The following REG4 variants were observed in gnomAD, a reference collection of about 807,000 sequenced individuals.
REG4 encodes regenerating family member 4, also known as regenerating islet-derived protein 4.
Under a neutral mutation model 22.3 loss-of-function variants are expected in REG4, and 16 were observed. The observed-to-expected ratio is 0.72, with a 90% CI of 0.49 to 1.09. The LOEUF (loss-of-function observed/expected upper bound fraction) is 1.09, where lower values mean the gene tolerates loss of function less well. Ranked by LOEUF, REG4 falls within the 50% of genes least tolerant of loss-of-function variation. The probability of loss-of-function intolerance (pLI) is 0.00; values close to 1 mark genes in which losing one functional copy is unlikely to be tolerated. For missense variants in REG4, 214 were observed against 193.9 expected, an observed-to-expected ratio of 1.10 and a Z score of -0.61; for synonymous variants, 71 against 69.2, an observed-to-expected ratio of 1.03 and a Z score of -0.13.
At position 119,811,449 on chromosome 1, in the gene REG4, A is replaced by T. The variant is rs929662531; in HGVS notation, c.-135T>A. On this transcript the variant is annotated 5_prime_UTR_variant, in exon 1 of 6. Coordinates refer to ENST00000256585, the MANE Select transcript of REG4 (RefSeq NM_032044.4). ...GACTCTAAGGGCCCCTGCCTTCTTC[A>T]GTGTCTCCAGTGGTCCCAGTCAACG... The T allele has an allele frequency of 1.3e-5, 2 of 152,196 alleles. No homozygotes were observed. Among genetic ancestry groups the T allele is most frequent in the African/African-American group, 4.8e-5 (2 of 41,444 alleles). 9.4% of individuals were successfully genotyped at this position (152,196 alleles called of 1,614,324 possible). A position where few individuals can be genotyped will look rare whatever the true frequency, so the allele number is the denominator to read the frequency against.
chr1:119,796,426 G>A (rs1653940181), intron 5 of REG4, among the ~76,000 whole-genome samples: 1 of 152,162 alleles, frequency 6.6e-6, no homozygotes, highest in Admixed American at 6.5e-5. Flanking sequence ...GAGTCAGAAA[G>A]GGTGAGAGAG....
intron 1 of REG4, among the ~76,000 whole-genome samples, chr1:119,810,935 T>C (rs1654475293): frequency 6.6e-6 from 1 of 152,120 alleles, no homozygotes; most frequent in African/African-American, 2.4e-5. Flanking sequence ...GTGCCTGTAA[T>C]CACAGCTACT....
At chr1:119,802,972 A>G in intron 3 of REG4, 96 bp downstream of exon 3, 2 of 1,582,610 alleles carry the variant, frequency 1.3e-6, no homozygotes, top group Non-Finnish European at 1.7e-6. Flanking sequence ...CATAGTGCCC[A>G]GGAAGGACAC....
At chr1:119,807,965 G>A (rs780254670) in intron 2 of REG4, among the ~76,000 whole-genome samples, 3 of 152,168 alleles carry the variant, frequency 2.0e-5, no homozygotes, top group Non-Finnish European at 4.4e-5. Flanking sequence ...ACTCTTACAT[G>A]TCCAACACCC....
At chr1:119,799,650 G>T (rs984184495) in intron 4 of REG4, 75 bp downstream of exon 4, 2 of 1,561,220 alleles carry the variant, frequency 1.3e-6, no homozygotes, top group African/African-American at 2.7e-5. Flanking sequence ...GTTATAGGCC[G>T]GGAGGCCATT....
chr1:119,802,597 C>T (rs932705414), intron 3 of REG4: 33 of 1,245,316 alleles, frequency 2.6e-5, no homozygotes, highest in Admixed American at 4.1e-5. Context: ...GGTTTGTGGA[C>T]TGTGTAGAGC....
intron 2 of REG4, among the ~76,000 whole-genome samples, chr1:119,806,725 C>T (rs1274212337): frequency 6.6e-6 from 1 of 152,174 alleles, no homozygotes; most frequent in African/African-American, 2.4e-5. Flanking sequence ...GGTGCTAGAG[C>T]TCGTCATCTC....
chr1:119,809,777 G>A (rs1404240337), intron 1 of REG4, among the ~76,000 whole-genome samples: 2 of 152,058 alleles, frequency 1.3e-5, no homozygotes, highest in South Asian at 4.2e-4. Flanking sequence ...TATGGGCTGT[G>A]ATATTTACCT....
In REG4 at chr1:119,803,056, C is replaced by T; in HGVS notation, c.165+12G>A. 6.2e-7 allele frequency: 1 copy of T among 1,608,802 alleles called. No individual in the cohort carries two copies. The highest frequency in any genetic ancestry group is 8.5e-7 in the Non-Finnish European group (1 of 1,177,844). On this transcript the variant is annotated intron_variant, in intron 3 of 5. Coordinates refer to ENST00000256585, the MANE Select transcript of REG4 (RefSeq NM_032044.4). Reference sequence around the variant, plus strand: ...TAGAAAGGCCAGGCCAAGCAGGCAGCAAGTTTCTTACCTCGGCATCAGACC... The same window carrying T: ...TAGAAAGGCCAGGCCAAGCAGGCAGTAAGTTTCTTACCTCGGCATCAGACC...
chr1:119,800,892 A>G (rs866525385), intron 3 of REG4, among the ~76,000 whole-genome samples: 3 of 152,150 alleles, frequency 2.0e-5, no homozygotes, highest in African/African-American at 7.2e-5. Context: ...GCAGATATGT[A>G]ACTATCTGCT....
Position 119,794,494 on chromosome 1 carries a change from G to A in REG4, c.*124C>T. ...CTCTAAGCCTAAAAAAGCCAGTGTA[G>A]TAGGGCCCTTATCACTCTTAGTTTG... On this transcript the variant is annotated 3_prime_UTR_variant, in exon 6 of 6. Transcript: ENST00000256585. 1.1e-6 allele frequency: 1 copy of A among 882,468 alleles called. No individual in the cohort carries two copies. The highest frequency in any genetic ancestry group is 1.9e-6 in the Non-Finnish European group (1 of 524,696). The allele number at this position is 882,468 out of a possible 1,614,324, so 54.7% of individuals were successfully genotyped here. A position where few individuals can be genotyped will look rare whatever the true frequency, so the allele number is the denominator to read the frequency against.
chr1:119,798,589 T>G lies in REG4; in HGVS notation c.317A>C (p.Gln106Pro), dbSNP rs139282469. The G allele has an allele frequency of 6.2e-7, 1 of 1,614,048 alleles. No homozygotes were observed. Among genetic ancestry groups the G allele is most frequent in the Admixed American group, 1.7e-5 (1 of 60,010 alleles). The change falls in exon 5 of 6, where the codon CAG (glutamine) becomes CCG (proline). Residue 106 changes from glutamine to proline, a missense_variant. Coordinates refer to ENST00000256585, the MANE Select transcript of REG4 (RefSeq NM_032044.4). ...LHDPQKRQQW[Q>P]WIDGAMYLYR... Reference sequence around the variant, plus strand: ...CAGATACATGGCCCCATCAATCCACTGCCACTGCTGCCTCTGCAACAACAG... The same window carrying G: ...CAGATACATGGCCCCATCAATCCACGGCCACTGCTGCCTCTGCAACAACAG...
chr1:119,796,629 T>A (rs1408755767), intron 5 of REG4, among the ~76,000 whole-genome samples: 5 of 152,222 alleles, frequency 3.3e-5, no homozygotes, highest in Non-Finnish European at 5.9e-5. Context: ...GGGGATGGGC[T>A]TTTAAATTCT....
Position 119,797,937 on chromosome 1 carries a change from G to A in REG4, c.409+560C>T, listed in dbSNP as rs142190062. Among the ~76,000 whole-genome samples, 331 of 152,294 alleles carry A rather than the reference G, an allele frequency of 2.2e-3. 5 individuals are homozygous for A. The highest frequency in any genetic ancestry group is 0.021 in the East Asian group (109 of 5,178). ...GAAAAGTCTAACTCATGAGCATAAA[G>A]ACAAAGAATGAAAGCAGGCCAGAGA... On this transcript the variant is annotated intron_variant, in intron 5 of 5. Transcript: ENST00000256585.
chr1:119,803,978 A>G (rs1379211304), intron 2 of REG4, among the ~76,000 whole-genome samples: 2 of 152,204 alleles, frequency 1.3e-5, no homozygotes, highest in South Asian at 2.1e-4. Flanking sequence ...AAAGGAATCC[A>G]TGATTCAGGG....
chr1:119,807,228 T>G (rs1654348496), intron 2 of REG4, among the ~76,000 whole-genome samples: 1 of 152,228 alleles, frequency 6.6e-6, no homozygotes, highest in Admixed American at 6.5e-5. Flanking sequence ...GAGAGAAAAT[T>G]AATTTCTAAG....
At chr1:119,808,673 C>T (rs2101076587) in intron 2 of REG4, 30 bp downstream of exon 2, 1 of 1,562,362 alleles carries the variant, frequency 6.4e-7, no homozygotes. Context: ...CTGGCTGTGG[C>T]TCAGTTCCAG....
At chr1:119,798,445 G>A in intron 5 of REG4, 52 bp downstream of exon 5, 2 of 1,428,282 alleles carry the variant, frequency 1.4e-6, no homozygotes, top group Non-Finnish European at 2.0e-6. Context: ...ACTAGGTAAA[G>A]GGAAGAGTCT....
Position 119,794,500 on chromosome 1 carries a change from C to CCCTT in REG4, c.*114_*117dup, listed in dbSNP as rs1344405277. ...GCCTAAAAAAGCCAGTGTAGTAGGG[C>CCCTT]CCTTATCACTCTTAGTTTGCTAGGT... On this transcript the variant is annotated 3_prime_UTR_variant, in exon 6 of 6. Coordinates refer to ENST00000256585, the MANE Select transcript of REG4 (RefSeq NM_032044.4). 4 of 918,540 alleles carry CCCTT rather than the reference C, an allele frequency of 4.4e-6. No homozygotes were observed. In the East Asian group the frequency reaches 9.6e-5, roughly 22 times the overall value. 56.9% of individuals were successfully genotyped at this position (918,540 alleles called of 1,614,324 possible). A position where few individuals can be genotyped will look rare whatever the true frequency, so the allele number is the denominator to read the frequency against.
Sources: allele counts gnomAD v4.1 joint callset (sites outside exome capture counted in the v4.1 genomes callset), GRCh38; gene constraint gnomAD v4.1.1; transcripts MANE v1.5; gene names NCBI Gene and HGNC (gene_info 2026-07-23, HGNC 2026-07-21).